Variants in ATOX1 observed in about 807,000 individuals in gnomAD.
The protein encoded by ATOX1 is antioxidant 1 copper chaperone, also known as copper transport protein ATOX1.
In ATOX1, 4 loss-of-function variants were observed where a neutral mutation model predicts 7.3. The observed-to-expected ratio is 0.55, with a 90% CI of 0.27 to 1.25. The LOEUF (loss-of-function observed/expected upper bound fraction) is 1.25. ATOX1 is among the 50% of genes most tolerant of loss of function. The pLI is 0.12. For synonymous variants in ATOX1, 25 were observed against 28.7 expected (o/e 0.87, Z 0.41); for missense variants, 68 against 81.6 (o/e 0.83, Z 0.64).
At chr5:151,750,483 G>A (rs1428176845) in intron 2 of ATOX1, among the ~76,000 whole-genome samples, 5 of 125,926 alleles carry the variant, frequency 4.0e-5, no homozygotes, top group African/African-American at 1.5e-4. Context: ...TCCAGCCTGG[G>A]CAACAAACAG....
intron 1 of ATOX1, among the ~76,000 whole-genome samples, chr5:151,756,799 C>T (rs28917175): frequency 0.027 from 4,062 of 152,272 alleles, 164 homozygotes; most frequent in African/African-American, 0.086. Flanking sequence ...TCTAGCCCAC[C>T]TGTCCTACGT....
At chr5:151,745,210 CAG>C (rs1761866418) in intron 3 of ATOX1, 1 of 152,174 alleles carries the variant, frequency 6.6e-6, no homozygotes, top group Non-Finnish European at 1.5e-5. Context: ...ACCTACCAGT[CAG>C]TGTGGCTAGC....
intron 1 of ATOX1, chr5:151,752,439 T>C (rs1761964782): frequency 1.4e-6 from 1 of 694,022 alleles, no homozygotes; most frequent in African/African-American, 1.8e-5. Context: ...ATGTAAGCTC[T>C]ACATTCTACA....
intron 2 of ATOX1, among the ~76,000 whole-genome samples, chr5:151,747,581 G>A (rs553006290): frequency 4.0e-5 from 6 of 149,166 alleles, no homozygotes; most frequent in African/African-American, 1.2e-4. Flanking sequence ...CACTGCACCC[G>A]GTCCATTCTT....
chr5:151,758,500 A>G (rs371853492), intron 1 of ATOX1, 46 bp downstream of exon 1: 12 of 1,480,186 alleles, frequency 8.1e-6, no homozygotes, highest in Middle Eastern at 1.8e-4. Flanking sequence ...CCGAGAAGCA[A>G]CCCGGGACTG....
intron 1 of ATOX1, chr5:151,753,889 T>G (rs939018370): frequency 2.0e-5 from 3 of 152,260 alleles, no homozygotes; most frequent in Non-Finnish European, 4.4e-5. Flanking sequence ...GGATTGTCAC[T>G]GTGCTCTACA....
Position 151,751,256 on chromosome 5 carries a change from CAAAA to C in ATOX1, c.82+444_82+447del, listed in dbSNP as rs59348695. On this transcript the variant is annotated intron_variant, in intron 2 of 3. Coordinates refer to ENST00000313115, the MANE Select transcript of ATOX1 (RefSeq NM_004045.4). ...GAGCAAGAAGAGCGAAACTCTGTCT[CAAAA>C]AAAAAAAAAAAAAAAAAAATTCAAT... 3.1e-3 allele frequency among the ~76,000 whole-genome samples: 197 copies of C among 63,480 alleles called. 1 individual carries two copies. The highest frequency in any genetic ancestry group is 4.5e-3 in the Non-Finnish European group (142 of 31,542). 41.6% of individuals were successfully genotyped at this position (63,480 alleles called of 152,430 possible). A position where few individuals can be genotyped will look rare whatever the true frequency, so the allele number is the denominator to read the frequency against.
At chr5:151,753,721 C>T (rs1214066982) in intron 1 of ATOX1, 1 of 152,216 alleles carries the variant, frequency 6.6e-6, no homozygotes, top group Non-Finnish European at 1.5e-5. Flanking sequence ...AGCTCCCAGA[C>T]ACCTGCCTCA....
At chr5:151,758,493 A>G in intron 1 of ATOX1, 53 bp downstream of exon 1, 1 of 1,480,270 alleles carries the variant, frequency 6.8e-7, no homozygotes, top group Non-Finnish European at 9.0e-7. Context: ...TGTGCAGCCG[A>G]GAAGCAACCC....
chr5:151,758,115 G>A (rs530266788), intron 1 of ATOX1, among the ~76,000 whole-genome samples: 19 of 152,348 alleles, frequency 1.2e-4, no homozygotes, highest in Admixed American at 1.1e-3. Context: ...GGTCCGTGAG[G>A]AAATAACCGG....
chr5:151,751,491 A>T (rs1761948245), intron 2 of ATOX1, among the ~76,000 whole-genome samples: 1 of 148,922 alleles, frequency 6.7e-6, no homozygotes, highest in African/African-American at 2.5e-5. Flanking sequence ...TGGAGCTAGT[A>T]AAAAAAAAAC....
At chr5:151,744,745 G>C (rs1179463791) in intron 3 of ATOX1, 2 of 152,250 alleles carry the variant, frequency 1.3e-5, no homozygotes, top group East Asian at 3.9e-4. Flanking sequence ...AGGGTCCAAA[G>C]CCCCATCCAC....
In ATOX1 at chr5:151,744,454, T is replaced by C. The variant is rs546009870; in HGVS notation, c.*47-1495A>G. On this transcript the variant is annotated intron_variant, in intron 3 of 3. Transcript: ENST00000313115. ...TTATGTCTTGTGAATTTCATCTCAA[T>C]AAAATAACATGAGAAAACATGTTTT... 38 of 152,286 alleles carry C rather than the reference T, an allele frequency of 2.5e-4. 1 individual carries two copies. The highest frequency in any genetic ancestry group is 8.9e-4 in the African/African-American group (37 of 41,554). The allele number at this position is 152,286 out of a possible 1,614,324, so 9.4% of individuals were successfully genotyped here. A position where few individuals can be genotyped will look rare whatever the true frequency, so the allele number is the denominator to read the frequency against.
Position 151,746,388 on chromosome 5 carries a change from C to T in ATOX1, c.144G>A (p.Met48Ile), listed in dbSNP as rs1203861496. ...TCTTCAGGGTTGCAAGCAGAGTGTC[C>T]ATGCTGTGCTCAGATTCAATGCAGA... ...KKVCIESEHSMDTLLATLKKT... is the reference protein window; with the variant it reads ...KKVCIESEHSIDTLLATLKKT... The change falls in exon 3 of 4, where the codon ATG becomes ATA. Residue 48 changes from methionine (M) to isoleucine (I), a missense_variant. Met to Ile is a conservative substitution (Grantham distance 10). Coordinates refer to ENST00000313115, the MANE Select transcript of ATOX1 (RefSeq NM_004045.4). 2 of 1,613,928 alleles carry T rather than the reference C, an allele frequency of 1.2e-6. No individual in the cohort carries two copies. The highest frequency in any genetic ancestry group is 1.7e-6 in the Non-Finnish European group (2 of 1,179,846).
At chr5:151,754,801 T>C (rs969336220) in intron 1 of ATOX1, among the ~76,000 whole-genome samples, 4 of 151,670 alleles carry the variant, frequency 2.6e-5, no homozygotes, top group Non-Finnish European at 5.9e-5. Context: ...CTGGCCAACA[T>C]GGTGAAACCC....
chr5:151,750,576 T>C (rs888765395), intron 2 of ATOX1, among the ~76,000 whole-genome samples: 2 of 149,556 alleles, frequency 1.3e-5, no homozygotes, highest in Non-Finnish European at 3.0e-5. Flanking sequence ...TTTTTTGAAG[T>C]AAAGAAACAG....
At chr5:151,751,256 CAAAAAAAA>C (rs59348695) in intron 2 of ATOX1, among the ~76,000 whole-genome samples, 2 of 63,482 alleles carry the variant, frequency 3.2e-5, no homozygotes, top group Non-Finnish European at 6.3e-5. Flanking sequence ...AACTCTGTCT[CAAAAAAAA>C]AAAAAAAAAA....
chr5:151,750,584 C>G (rs1457381567), intron 2 of ATOX1, among the ~76,000 whole-genome samples: 1 of 130,246 alleles, frequency 7.7e-6, no homozygotes, highest in Non-Finnish European at 1.6e-5. Context: ...AGTAAAGAAA[C>G]AGAAAAAGAC....
chr5:151,746,688 C>G, intron 2 of ATOX1: 1 of 405,996 alleles, frequency 2.5e-6, no homozygotes, highest in Non-Finnish European at 4.6e-6. Context: ...CCTGAACATA[C>G]AAAAACAGGC....
Sources: gnomAD v4.1 joint callset for allele counts (sites outside exome capture counted in the v4.1 genomes callset) on GRCh38, gnomAD v4.1.1 for gene constraint, MANE v1.5 for transcripts, NCBI Gene and HGNC (gene_info 2026-07-23, HGNC 2026-07-21) for gene names.